Variants in MTA3 observed in about 807,000 individuals in gnomAD.
MTA3 encodes metastasis-associated protein MTA3.
MTA3 carries 34 observed loss-of-function variants against 83.5 expected under a neutral mutation model. The ratio of observed to expected loss-of-function variants is 0.41; its 90% CI spans 0.31 to 0.54. The LOEUF (loss-of-function observed/expected upper bound fraction) is 0.54. Among genes scored for constraint, MTA3 ranks in the 20% least tolerant of loss-of-function variants. The probability of loss-of-function intolerance (pLI) is 0.33; values close to 1 mark genes in which losing one functional copy is unlikely to be tolerated. For synonymous variants in MTA3, 303 were observed against 252.7 expected (o/e 1.20, Z -1.89); for missense variants, 761 against 726.4 (o/e 1.05, Z -0.55).
upstream of MTA3, among the ~76,000 whole-genome samples, chr2:42,566,293 T>G (rs1297620871): frequency 6.6e-6 from 1 of 152,158 alleles, no homozygotes; most frequent in Admixed American, 6.5e-5. Context: ...GCTGAACTCC[T>G]TTATGTGTGA....
chr2:42,683,897 C>T (rs951174640), intron 9 of MTA3, among the ~76,000 whole-genome samples: 3 of 152,142 alleles, frequency 2.0e-5, no homozygotes, highest in Non-Finnish European at 4.4e-5. Context: ...TTGGGGACCC[C>T]TGAGTATCCT....
intron 2 of MTA3, among the ~76,000 whole-genome samples, chr2:42,558,709 C>T (rs367637174): frequency 2.0e-5 from 3 of 151,422 alleles, no homozygotes; most frequent in African/African-American, 4.9e-5. Flanking sequence ...TGCCACGCCC[C>T]GCTATTTTTT....
Position 42,754,252 on chromosome 2 carries a change from G to T in MTA3, c.*853G>T. The stretch of plus-strand genomic sequence containing the variant: ...GCTGATGAAGAACTGCTGCCAGGTG[G>T]GTCCTACAGCAGGTCACAAATGACC... On this transcript the variant is annotated 3_prime_UTR_variant, in exon 17 of 17. Coordinates refer to ENST00000405094, the MANE Select transcript of MTA3 (RefSeq NM_001330442.2). 1 of 985,434 alleles carries T rather than the reference G, an allele frequency of 1.0e-6. No individual in the cohort carries two copies. The highest frequency in any genetic ancestry group is 1.2e-6 in the Non-Finnish European group (1 of 829,978). 61.0% of individuals were successfully genotyped at this position (985,434 alleles called of 1,614,324 possible).
upstream of MTA3, among the ~76,000 whole-genome samples, chr2:42,565,471 T>G (rs1297842122): frequency 6.6e-6 from 1 of 151,162 alleles, no homozygotes; most frequent in Non-Finnish European, 1.5e-5. Context: ...CCTAGCCACC[T>G]ATAGCTTTCT....
At chr2:42,697,440 A>C (rs1392207909) in intron 10 of MTA3, among the ~76,000 whole-genome samples, 1 of 152,200 alleles carries the variant, frequency 6.6e-6, no homozygotes, top group South Asian at 2.1e-4. Flanking sequence ...GCAAATAAGT[A>C]ATAAAGTAGA....
intron 3 of MTA3, among the ~76,000 whole-genome samples, chr2:42,586,516 A>T (rs1680319697): frequency 7.2e-6 from 1 of 138,702 alleles, no homozygotes; most frequent in Non-Finnish European, 1.6e-5. Context: ...ACACACACAA[A>T]CACACAAAGG....
At chr2:42,652,095 AAAAG>A (rs1218092079) in intron 6 of MTA3, among the ~76,000 whole-genome samples, 2 of 152,030 alleles carry the variant, frequency 1.3e-5, no homozygotes, top group African/African-American at 4.8e-5. Context: ...AAAAAGAAAA[AAAAG>A]AGTAGGGTGA....
chr2:42,634,424 A>T (rs1686989382), intron 4 of MTA3, among the ~76,000 whole-genome samples: 1 of 152,190 alleles, frequency 6.6e-6, no homozygotes, highest in African/African-American at 2.4e-5. Context: ...TCATGGTGGA[A>T]GGGGAAGCAG....
chr2:42,627,637 C>A (rs1243197186), intron 4 of MTA3, among the ~76,000 whole-genome samples: 2 of 151,548 alleles, frequency 1.3e-5, no homozygotes, highest in Non-Finnish European at 2.9e-5. Flanking sequence ...CATCTTGGCT[C>A]ACTGCAACCT....
intron 6 of MTA3, among the ~76,000 whole-genome samples, chr2:42,645,496 G>T (rs1688097479): frequency 6.6e-6 from 1 of 151,768 alleles, no homozygotes; most frequent in African/African-American, 2.4e-5. Context: ...CTGCACTCCA[G>T]CTTGGGCAAC....
chr2:42,664,894 A>T (rs1368150068), intron 8 of MTA3, among the ~76,000 whole-genome samples: 1 of 152,140 alleles, frequency 6.6e-6, no homozygotes, highest in African/African-American at 2.4e-5. Context: ...CCAATAATGT[A>T]TTGGGAGCAG....
chr2:42,641,397 A>G (rs1687681132), intron 5 of MTA3, among the ~76,000 whole-genome samples: 1 of 152,142 alleles, frequency 6.6e-6, no homozygotes, highest in African/African-American at 2.4e-5. Flanking sequence ...TAGACTTTAT[A>G]ACTTACCTTT....
At chr2:42,568,628 C>T, upstream of MTA3, 1 of 566,814 alleles carries the variant, frequency 1.8e-6, no homozygotes, top group Non-Finnish European at 2.5e-6. Flanking sequence ...CTCCCTTCCC[C>T]CCCGTGGCGA....
At chr2:42,598,693 T>C (rs748262476) in intron 3 of MTA3, among the ~76,000 whole-genome samples, 3 of 152,232 alleles carry the variant, frequency 2.0e-5, no homozygotes, top group African/African-American at 4.8e-5. Context: ...AAATTAACGT[T>C]GTTGAGCCTT....
intron 2 of MTA3, among the ~76,000 whole-genome samples, chr2:42,501,855 GT>G (rs925000895): frequency 1.8e-4 from 28 of 152,256 alleles, no homozygotes; most frequent in African/African-American, 6.7e-4. Context: ...GCGCATGCTT[GT>G]AATCCCAGCT....
intron 4 of MTA3, among the ~76,000 whole-genome samples, chr2:42,622,148 A>T (rs1685629778): frequency 6.6e-6 from 1 of 152,214 alleles, no homozygotes; most frequent in African/African-American, 2.4e-5. Flanking sequence ...TCCGTCTGCA[A>T]TCCCGGCACC....
intron 6 of MTA3, 103 bp downstream of exon 6, chr2:42,644,347 A>G: frequency 1.5e-6 from 1 of 668,906 alleles, no homozygotes; most frequent in African/African-American, 1.9e-5. Flanking sequence ...GCAAAGTCTA[A>G]AAGTTATAAG....
chr2:42,507,057 C>T (rs1055261254), intron 2 of MTA3, among the ~76,000 whole-genome samples: 4 of 152,124 alleles, frequency 2.6e-5, no homozygotes, highest in African/African-American at 4.8e-5. Context: ...TGCGTGATCA[C>T]GCTTGGCTAA....
intron 2 of MTA3, among the ~76,000 whole-genome samples, chr2:42,534,725 T>C (rs1294960936): frequency 6.6e-6 from 1 of 152,228 alleles, no homozygotes; most frequent in African/African-American, 2.4e-5. Context: ...ACTTCTGTCT[T>C]GTTTATTCTA....
Sources: allele counts gnomAD v4.1 joint callset (sites outside exome capture counted in the v4.1 genomes callset), GRCh38; gene constraint gnomAD v4.1.1; transcripts MANE v1.5; gene names NCBI Gene and HGNC (gene_info 2026-07-23, HGNC 2026-07-21).